KCNH6: variants seen among roughly 807,000 people sequenced by gnomAD.
KCNH6 encodes the protein potassium voltage-gated channel subfamily H member 6.
KCNH6 carries 81 observed loss-of-function variants against 83.4 expected under a neutral mutation model. The observed-to-expected ratio is 0.97, with a 90% CI of 0.81 to 1.17. The LOEUF is 1.17. KCNH6 is among the 50% of genes most tolerant of loss of function. The probability of loss-of-function intolerance (pLI) is 0.00; values close to 1 mark genes in which losing one functional copy is unlikely to be tolerated. For missense variants in KCNH6, 1,203 were observed against 1,290.5 expected, an observed-to-expected ratio of 0.93 and a Z score of 1.04; for synonymous variants, 503 against 545.6, an observed-to-expected ratio of 0.92 and a Z score of 1.09.
In KCNH6 at chr17:63,523,437, C is replaced by G. The variant is rs377554401; in HGVS notation, c.24C>G (p.Val8=). MPVRRGH[V]APQNTYLDTI... ...AGATGCCGGTCCGCAGGGGCCACGT[C>G]GCTCCCCAAAACACTTACCTGGACA... is the stretch of plus-strand genomic sequence containing the variant. The change falls in exon 1 of 13, where the codon GTC becomes GTG. Residue 8 remains valine, a synonymous_variant. Transcript: ENST00000314672. This position sits in a 1 kb window ranked among gnomAD's most constrained non-coding sequence, Gnocchi z 4.2. The G allele has an allele frequency of 1.2e-6, 2 of 1,604,016 alleles. No homozygotes were observed. Among genetic ancestry groups the G allele is most frequent in the African/African-American group, 2.7e-5 (2 of 73,698 alleles).
rs1242339763 is a variant in KCNH6, at chr17:63,543,601, C to G, written c.2174C>G (p.Pro725Arg). ...RDAAGGLHSS[P>R]RQAPGSQDHQ... Reference sequence around the variant, plus strand: ...GCAGCCGGGGGTCTCCACTCATCCCCCCGACAGGCTCCTGGCAGCCAAGAC... The same window carrying G: ...GCAGCCGGGGGTCTCCACTCATCCCGCCGACAGGCTCCTGGCAGCCAAGAC... Residue 725 changes from proline (P) to arginine (R), a missense_variant, in exon 10 of 13, where the codon CCC becomes CGC. Transcript: ENST00000314672. 6.2e-7 allele frequency: 1 copy of G among 1,613,252 alleles called. No homozygotes were observed. Among genetic ancestry groups the G allele is most frequent in the Admixed American group, 1.7e-5 (1 of 60,006 alleles).
At chr17:63,543,532 C>T (rs2032984442) in intron 9 of KCNH6, 44 bp from the exon 10 acceptor site, 1 of 1,264,908 alleles carries the variant, frequency 7.9e-7, no homozygotes, top group Non-Finnish European at 1.2e-6. Flanking sequence ...GAGGCCCCAT[C>T]CCAGCTTTGG....
intron 12 of KCNH6, 33 bp from the exon 13 acceptor site, chr17:63,545,576 C>T: frequency 6.3e-7 from 1 of 1,594,262 alleles, no homozygotes; most frequent in East Asian, 2.2e-5. Flanking sequence ...GCAGCCTGGC[C>T]TGGGGTGCAT....
At chr17:63,525,991 G>A (rs1435840519) in intron 2 of KCNH6, among the ~76,000 whole-genome samples, 1 of 152,212 alleles carries the variant, frequency 6.6e-6, no homozygotes. Flanking sequence ...GGGATGTCAG[G>A]TGATGGCTCT....
rs11654105 is a variant in KCNH6, at chr17:63,533,459, T to A, written c.676-427T>A. On this transcript the variant is annotated intron_variant, in intron 4 of 12. Transcript: ENST00000314672. This position sits in a 1 kb window ranked among gnomAD's most constrained non-coding sequence, Gnocchi z 4.1. ...GGTGACCTGTTCCCATCAGGAACCC[T>A]GACCATAGGGAGCCTCCTAAGCTCA... Among the ~76,000 whole-genome samples, 41,262 of 151,862 alleles carry A rather than the reference T, an allele frequency of 0.27. 6,380 individuals carry two copies. Among genetic ancestry groups the A allele is most frequent in the Middle Eastern group, 0.39 (114 of 294 alleles).
intron 8 of KCNH6, among the ~76,000 whole-genome samples, chr17:63,541,286 C>CTTTTT (rs58311051): frequency 6.4e-5 from 7 of 108,824 alleles, no homozygotes; most frequent in East Asian, 2.6e-4. Flanking sequence ...GTGCCTCTTG[C>CTTTTT]TTTTTTTTTT....
In KCNH6 at chr17:63,546,086, A is replaced by G. The variant is rs964393187; in HGVS notation, c.*184A>G. On this transcript the variant is annotated 3_prime_UTR_variant, in exon 13 of 13. Coordinates refer to ENST00000314672, the MANE Select transcript of KCNH6 (RefSeq NM_001278919.2). ...CACCTCTACTAAAATTAAAAAAGAA[A>G]AAAAATAGCCGGGCGTGGTGGCAGG... 23 of 570,392 alleles carry G rather than the reference A, an allele frequency of 4.0e-5. No homozygotes were observed. Among genetic ancestry groups the G allele is most frequent in the Non-Finnish European group, 6.4e-5 (21 of 326,332 alleles). The allele number at this position is 570,392 out of a possible 1,614,324, so 35.3% of individuals were successfully genotyped here.
Position 63,523,442 on chromosome 17 carries a change from C to T in KCNH6, c.29C>T (p.Pro10Leu). ...CCGGTCCGCAGGGGCCACGTCGCTC[C>T]CCAAAACACTTACCTGGACACCATC... is the stretch of plus-strand genomic sequence containing the variant. MPVRRGHVA[P>L]QNTYLDTIIR... Residue 10 changes from proline to leucine, a missense_variant, in exon 1 of 13, where the codon CCC (proline) becomes CTC (leucine). Coordinates refer to ENST00000314672, the MANE Select transcript of KCNH6 (RefSeq NM_001278919.2). This position sits in a 1 kb window ranked among gnomAD's most constrained non-coding sequence, Gnocchi z 4.2. 6.2e-7 allele frequency: 1 copy of T among 1,606,132 alleles called. No homozygotes were observed. The highest frequency in any genetic ancestry group is 8.5e-7 in the Non-Finnish European group (1 of 1,176,430).
chr17:63,545,217 A>G lies in KCNH6; in HGVS notation c.2536A>G (p.Thr846Ala), dbSNP rs1278077034. 1.9e-6 allele frequency: 3 copies of G among 1,613,692 alleles called. No individual in the cohort carries two copies. The highest frequency in any genetic ancestry group is 2.5e-6 in the Non-Finnish European group (3 of 1,180,016). ...CTTGGTTCCTATAGCCTCGGAGACG[A>G]CGAGTCCAGGGCCCAGGCTGCCCCA... is the stretch of plus-strand genomic sequence containing the variant. ...LALVPIASET[T>A]SPGPRLPQGF... The change falls in exon 12 of 13, where the codon ACG becomes GCG. Residue 846 changes from threonine to alanine, a missense_variant. By Grantham distance (58) the Thr-to-Ala change is moderately conservative. Transcript: ENST00000314672.
rs1416389421 is a variant in KCNH6 at position 63,523,400 on chromosome 17, G to C, written c.-14G>C. 26 of 1,587,162 alleles carry C rather than the reference G, an allele frequency of 1.6e-5. No homozygotes were observed. Among genetic ancestry groups the C allele is most frequent in the Non-Finnish European group, 1.9e-5 (22 of 1,168,850 alleles). On this transcript the variant is annotated 5_prime_UTR_variant, in exon 1 of 13. Transcript: ENST00000314672. The surrounding 1 kb of genome is among the most constrained non-coding windows in gnomAD (Gnocchi z 4.2). ...GTGGCGCCTGTGGCTCCGGGCAGGG[G>C]CCGCGGCCGAAAGATGCCGGTCCGC...
At chr17:63,526,122 G>C (rs894331303) in intron 2 of KCNH6, among the ~76,000 whole-genome samples, 1 of 152,152 alleles carries the variant, frequency 6.6e-6, no homozygotes, top group African/African-American at 2.4e-5. Flanking sequence ...TCTCAGAAGG[G>C]AACCTAGGAA....
intron 4 of KCNH6, among the ~76,000 whole-genome samples, chr17:63,531,688 T>G (rs1207265892): frequency 6.6e-6 from 1 of 152,194 alleles, no homozygotes; most frequent in African/African-American, 2.4e-5. Context: ...GGCCTGACCC[T>G]GGGAAGCCCC....
chr17:63,539,405 C>T (rs1461292078), intron 8 of KCNH6, among the ~76,000 whole-genome samples: 2 of 152,176 alleles, frequency 1.3e-5, no homozygotes, highest in Non-Finnish European at 2.9e-5. Flanking sequence ...TCCCCTGGGC[C>T]TGCTCCTCGC....
At chr17:63,536,106 C>A in intron 6 of KCNH6, 38 bp downstream of exon 6, 1 of 1,578,810 alleles carries the variant, frequency 6.3e-7, no homozygotes, top group South Asian at 1.1e-5. Context: ...ACTTCATGCT[C>A]TGGTCTTACC....
At chr17:63,524,068 T>G in intron 1 of KCNH6, 71 bp from the exon 2 acceptor site, 2 of 1,092,024 alleles carry the variant, frequency 1.8e-6, no homozygotes, top group Non-Finnish European at 2.8e-6. Flanking sequence ...CCAAGAGTCC[T>G]TATGATCTTT....
At chr17:63,543,442 C>T in intron 9 of KCNH6, 134 bp from the exon 10 acceptor site, 1 of 655,106 alleles carries the variant, frequency 1.5e-6, no homozygotes. Flanking sequence ...TCGTCCAGGG[C>T]ATCGCTGCTG....
intron 2 of KCNH6, among the ~76,000 whole-genome samples, chr17:63,525,015 T>G (rs1314362558): frequency 6.6e-6 from 1 of 152,196 alleles, no homozygotes; most frequent in Non-Finnish European, 1.5e-5. Context: ...TCACTGGACC[T>G]GGCAGCATGG....
intron 2 of KCNH6, among the ~76,000 whole-genome samples, chr17:63,528,215 C>T (rs1231606734): frequency 1.3e-5 from 2 of 152,216 alleles, no homozygotes; most frequent in Non-Finnish European, 2.9e-5. Flanking sequence ...GTCTAGGTCC[C>T]AGCGTCCACG....
Position 63,533,927 on chromosome 17 carries a change from G to C in KCNH6, c.717G>C (p.Leu239=), listed in dbSNP as rs765421866. 4 of 1,613,954 alleles carry C rather than the reference G, an allele frequency of 2.5e-6. No individual in the cohort carries two copies. Among genetic ancestry groups the C allele is most frequent in the Non-Finnish European group, 3.4e-6 (4 of 1,179,932 alleles). The change falls in exon 5 of 13, where the codon CTG becomes CTC. Residue 239 remains leucine, a synonymous_variant. Transcript: ENST00000314672. The surrounding 1 kb of genome is among the most constrained non-coding windows in gnomAD (Gnocchi z 4.1). ...CGGATGTGCTGCCGGAGTACAAGCT[G>C]CAGGCGCCGCGCATCCACCGCTGGA... ...LGADVLPEYK[L]QAPRIHRWTI...
Sources: gnomAD v4.1 joint callset for allele counts (sites outside exome capture counted in the v4.1 genomes callset) on GRCh38, gnomAD v4.1.1 for gene constraint, Gnocchi (gnomAD v3.1) non-coding constraint, MANE v1.5 for transcripts, NCBI Gene and HGNC (gene_info 2026-07-23, HGNC 2026-07-21) for gene names.